GALNT17: variants seen among roughly 807,000 people sequenced by gnomAD.
The protein encoded by GALNT17 is UDP-GalNAc:polypeptide N-acetylgalactosaminyltransferase-like 3.
GALNT17 carries 29 observed loss-of-function variants against 63.7 expected under a neutral mutation model. The ratio of observed to expected loss-of-function variants is 0.46; its 90% CI spans 0.34 to 0.62. The LOEUF is 0.62. Ranked by LOEUF, GALNT17 falls within the 20% of genes least tolerant of loss-of-function variation. The pLI, the probability that GALNT17 is intolerant of heterozygous loss-of-function variation, is 0.01. For synonymous variants in GALNT17, 305 were observed against 318.3 expected, an observed-to-expected ratio of 0.96 and a Z score of 0.45; for missense variants, 603 against 799.6, an observed-to-expected ratio of 0.75 and a Z score of 2.97.
intron 5 of GALNT17, among the ~76,000 whole-genome samples, chr7:71,522,684 G>A (rs986353206): frequency 3.3e-5 from 5 of 152,234 alleles, no homozygotes; most frequent in Non-Finnish European, 5.9e-5. Flanking sequence ...GAGCCAAACC[G>A]CATCACAGAC....
intron 5 of GALNT17, among the ~76,000 whole-genome samples, chr7:71,562,162 A>G (rs1274002734): frequency 2.6e-5 from 4 of 151,916 alleles, no homozygotes; most frequent in Non-Finnish European, 5.9e-5. Flanking sequence ...ACATAGTCTC[A>G]CTATGCTGCC....
At chr7:71,675,141 G>A (rs184860135) in intron 8 of GALNT17, among the ~76,000 whole-genome samples, 92 of 152,074 alleles carry the variant, frequency 6.0e-4, no homozygotes, top group Admixed American at 1.7e-3. Context: ...CCGAGATTGC[G>A]CCACTGCATT....
intron 6 of GALNT17, among the ~76,000 whole-genome samples, chr7:71,575,392 AT>A (rs10591768): frequency 0.94 from 120,107 of 128,276 alleles, 56,185 homozygotes; most frequent in East Asian, 0.98. Flanking sequence ...TATTTTCTTG[AT>A]TTTTTTTTTT....
chr7:71,699,451 G>A (rs939341938), intron 9 of GALNT17, among the ~76,000 whole-genome samples: 3 of 149,982 alleles, frequency 2.0e-5, no homozygotes, highest in Non-Finnish European at 4.4e-5. Flanking sequence ...GCTCCAGCCT[G>A]GGTGACAGAG....
intron 1 of GALNT17, among the ~76,000 whole-genome samples, chr7:71,171,851 A>G (rs1310309542): frequency 6.6e-6 from 1 of 152,196 alleles, no homozygotes; most frequent in Non-Finnish European, 1.5e-5. Flanking sequence ...TGAAGAATGG[A>G]GGGTTACAAA....
At chr7:71,560,507 G>C (rs1174019197) in intron 5 of GALNT17, among the ~76,000 whole-genome samples, 2 of 152,208 alleles carry the variant, frequency 1.3e-5, no homozygotes, top group Non-Finnish European at 2.9e-5. Flanking sequence ...GTGGGAAAGT[G>C]ACAGGAGGGT....
At chr7:71,664,277 C>T (rs1379476168) in intron 6 of GALNT17, among the ~76,000 whole-genome samples, 1 of 152,130 alleles carries the variant, frequency 6.6e-6, no homozygotes, top group Admixed American at 6.5e-5. Context: ...GAAGGCTTGG[C>T]ATCTGTACCT....
intron 1 of GALNT17, among the ~76,000 whole-genome samples, chr7:71,334,359 G>C (rs1791860693): frequency 6.6e-6 from 1 of 152,144 alleles, no homozygotes; most frequent in Non-Finnish European, 1.5e-5. Flanking sequence ...CGGCTGCCCA[G>C]GCTGTGAAAG....
intron 2 of GALNT17, among the ~76,000 whole-genome samples, chr7:71,375,070 C>T (rs992954901): frequency 6.6e-6 from 1 of 151,950 alleles, no homozygotes; most frequent in Non-Finnish European, 1.5e-5. Context: ...GAACTCCTGA[C>T]CTCAGATGAT....
intron 6 of GALNT17, among the ~76,000 whole-genome samples, chr7:71,617,938 C>T (rs1433422764): frequency 3.9e-5 from 6 of 152,150 alleles, no homozygotes; most frequent in Admixed American, 1.3e-4. Context: ...TGAGCCACTG[C>T]GCCCAGCCGA....
chr7:71,225,352 C>A lies in GALNT17; in HGVS notation c.238+92312C>A, dbSNP rs1489784959. Among the ~76,000 whole-genome samples the A allele has an allele frequency of 4.6e-5, 7 of 152,296 alleles. No homozygotes were observed. In the South Asian group the frequency reaches 1.5e-3, roughly 32 times the overall value. Reference sequence around the variant, plus strand: ...GCACTAGGGATTATTATATCTGAGTCGATCTGCAAATATTTTGAAGCAAAC... The same window carrying A: ...GCACTAGGGATTATTATATCTGAGTAGATCTGCAAATATTTTGAAGCAAAC... On this transcript the variant is annotated intron_variant, in intron 1 of 10. Coordinates refer to ENST00000333538, the MANE Select transcript of GALNT17 (RefSeq NM_022479.3).
At chr7:71,620,309 A>G (rs962075776) in intron 6 of GALNT17, among the ~76,000 whole-genome samples, 14 of 152,232 alleles carry the variant, frequency 9.2e-5, no homozygotes, top group African/African-American at 2.6e-4. Context: ...TCATAGAATG[A>G]GTTAGGGAGG....
chr7:71,157,677 G>A (rs1788262249), intron 1 of GALNT17, among the ~76,000 whole-genome samples: 1 of 151,506 alleles, frequency 6.6e-6, no homozygotes, highest in Admixed American at 6.6e-5. Flanking sequence ...AAAATATTGA[G>A]GTAATGAATA....
chr7:71,153,635 C>G (rs1490067789), intron 1 of GALNT17, among the ~76,000 whole-genome samples: 1 of 152,078 alleles, frequency 6.6e-6, no homozygotes, highest in Admixed American at 6.6e-5. Context: ...TATCTACAGG[C>G]CAGGAGTCGT....
chr7:71,675,812 C>T (rs967725212), intron 8 of GALNT17, among the ~76,000 whole-genome samples: 12 of 152,054 alleles, frequency 7.9e-5, no homozygotes, highest in East Asian at 5.8e-4. Flanking sequence ...CGTGGTGAAA[C>T]GCCATCTCTG....
At chr7:71,604,050 T>C (rs1790009456) in intron 6 of GALNT17, among the ~76,000 whole-genome samples, 1 of 152,108 alleles carries the variant, frequency 6.6e-6, no homozygotes, top group African/African-American at 2.4e-5. Flanking sequence ...GCTAAGTGCC[T>C]ACAGTGGATA....
In GALNT17 at chr7:71,132,597, TC is replaced by T; in HGVS notation, c.-204del. 1.8e-6 allele frequency: 1 copy of T among 557,534 alleles called. No individual in the cohort carries two copies. Among genetic ancestry groups the T allele is most frequent in the Non-Finnish European group, 3.2e-6 (1 of 316,728 alleles). The allele number at this position is 557,534 out of a possible 1,614,324, so 34.5% of individuals were successfully genotyped here. The stretch of plus-strand genomic sequence containing the variant: ...GGAGCACTTCTGCAGAGCGAGGACT[TC>T]CATGTGAGCGATTCCGTTCTCCCCA... On this transcript the variant is annotated 5_prime_UTR_variant, in exon 1 of 11. Transcript: ENST00000333538.
chr7:71,642,386 A>C (rs1298462557), intron 6 of GALNT17, among the ~76,000 whole-genome samples: 1 of 152,226 alleles, frequency 6.6e-6, no homozygotes, highest in Non-Finnish European at 1.5e-5. Context: ...TTCAATGGGC[A>C]AGGACAATAG....
chr7:71,412,553 A>G (rs911570966), intron 3 of GALNT17, among the ~76,000 whole-genome samples: 1 of 151,934 alleles, frequency 6.6e-6, no homozygotes, highest in Non-Finnish European at 1.5e-5. Context: ...TTGTATTTTT[A>G]ATAGAGACGG....
Sources: gnomAD v4.1 joint callset for allele counts (sites outside exome capture counted in the v4.1 genomes callset) on GRCh38, gnomAD v4.1.1 for gene constraint, MANE v1.5 for transcripts, NCBI Gene and HGNC (gene_info 2026-07-23, HGNC 2026-07-21) for gene names.